Variants in REG1A observed in about 807,000 individuals in gnomAD.
REG1A encodes the protein regenerating family member 1 alpha.
REG1A carries 20 observed loss-of-function variants against 20.7 expected under a neutral mutation model. The observed-to-expected ratio is 0.97, with a 90% confidence interval of 0.68 to 1.41. REG1A has a LOEUF of 1.41. Among genes scored for constraint, REG1A ranks in the 40% most tolerant of loss-of-function variants. The pLI is 0.00. For synonymous variants in REG1A, 90 were observed against 71.6 expected, an observed-to-expected ratio of 1.26 and a Z score of -1.30; for missense variants, 193 against 201.8, an observed-to-expected ratio of 0.96 and a Z score of 0.26.
chr2:79,120,989 A>T, intron 2 of REG1A, 64 bp downstream of exon 2: 1 of 1,271,980 alleles, frequency 7.9e-7, no homozygotes, highest in South Asian at 1.3e-5. Flanking sequence ...ATCCCCAAGC[A>T]TACGGGTCTA....
At chr2:79,121,780 C>T (rs1672889946) in intron 3 of REG1A, 100 bp downstream of exon 3, 1 of 1,333,100 alleles carries the variant, frequency 7.5e-7, no homozygotes, top group South Asian at 1.2e-5. Flanking sequence ...AGACTGAACC[C>T]CTTGCTATAC....
rs756774574 is a variant in REG1A, at chr2:79,120,818, A to G, written c.-44A>G. The G allele has an allele frequency of 1.3e-6, 2 of 1,526,260 alleles. No homozygotes were observed. Among genetic ancestry groups the G allele is most frequent in the East Asian group, 2.3e-5 (1 of 43,826 alleles). 94.5% of individuals were successfully genotyped at this position (1,526,260 alleles called of 1,614,324 possible). ...CCCTTCTCTGTGTTCTCCTATAGAGATTGTTGATTTGCCTCTTAAGCAAGA... is the reference window on the plus strand; with the variant it reads ...CCCTTCTCTGTGTTCTCCTATAGAGGTTGTTGATTTGCCTCTTAAGCAAGA... On this transcript the variant is annotated splice_region_variant and 5_prime_UTR_variant, in exon 2 of 6. Transcript: ENST00000233735.
In REG1A at chr2:79,122,701, T is replaced by C. The variant is rs1159156777; in HGVS notation, c.322-140T>C. 4.5e-6 allele frequency: 3 copies of C among 669,664 alleles called. No individual in the cohort carries two copies. In the South Asian group the frequency reaches 5.4e-5, roughly 12 times the overall value. 41.5% of individuals were successfully genotyped at this position (669,664 alleles called of 1,614,324 possible). On this transcript the variant is annotated intron_variant, in intron 4 of 5. Coordinates refer to ENST00000233735, the MANE Select transcript of REG1A (RefSeq NM_002909.5). ...AGTTCAGGAAAGAAGTTTAGAGCAA[T>C]AGCAAAGGAAAGGAAACAATATTTA...
intron 1 of REG1A, 122 bp from the exon 2 acceptor site, chr2:79,120,694 G>GA: frequency 2.2e-6 from 1 of 461,400 alleles, no homozygotes; most frequent in East Asian, 3.2e-5. Context: ...AGAAACATTT[G>GA]AAGGTGTGGG....
chr2:79,121,765 A>G, intron 3 of REG1A, 85 bp downstream of exon 3: 1 of 1,387,786 alleles, frequency 7.2e-7, no homozygotes, highest in Non-Finnish European at 1.0e-6. Context: ...GGCTGCAATG[A>G]GATGAGACTG....
intron 1 of REG1A, 151 bp downstream of exon 1, chr2:79,120,665 T>A (rs1400344217): frequency 4.4e-6 from 2 of 449,726 alleles, no homozygotes; most frequent in Non-Finnish European, 4.0e-6. Flanking sequence ...ACTGAGTCTG[T>A]ATAATCCCCA....
intron 3 of REG1A, 141 bp from the exon 4 acceptor site, chr2:79,121,847 G>A (rs2104064097): frequency 7.3e-7 from 1 of 1,378,976 alleles, no homozygotes; most frequent in East Asian, 2.3e-5. Flanking sequence ...CACATTCCCA[G>A]CACAAAGAAC....
intron 1 of REG1A, 86 bp downstream of exon 1, chr2:79,120,600 C>T (rs1481493804): frequency 5.4e-6 from 2 of 368,936 alleles, no homozygotes; most frequent in Non-Finnish European, 4.8e-6. Context: ...AGTTTCTGTC[C>T]AAGAGGTTTT....
intron 1 of REG1A, 44 bp from the exon 2 acceptor site, chr2:79,120,772 T>C (rs1421759058): frequency 6.8e-6 from 7 of 1,029,070 alleles, no homozygotes; most frequent in Admixed American, 4.9e-5. Context: ...ATAGGTGCTT[T>C]GCTCTCCATC....
intron 1 of REG1A, 79 bp from the exon 2 acceptor site, chr2:79,120,737 C>T: frequency 1.6e-6 from 1 of 615,430 alleles, no homozygotes; most frequent in Non-Finnish European, 2.6e-6. Flanking sequence ...CTCAGAAATT[C>T]TGAGAGGAGG....
intron 2 of REG1A, 60 bp downstream of exon 2, chr2:79,120,985 A>C: frequency 5.3e-6 from 7 of 1,318,794 alleles, no homozygotes; most frequent in Non-Finnish European, 6.4e-6. Context: ...CTCTATCCCC[A>C]AGCATACGGG....
rs72913261 is a variant in REG1A at position 79,120,780 on chromosome 2, A to G, written c.-46-36A>G. 1.9e-3 allele frequency: 2,213 copies of G among 1,138,212 alleles called. 31 individuals carry two copies. The African/African-American group carries it at 0.031, about 16-fold the overall frequency. The allele number at this position is 1,138,212 out of a possible 1,614,324, so 70.5% of individuals were successfully genotyped here. A position where few individuals can be genotyped will look rare whatever the true frequency, so the allele number is the denominator to read the frequency against. On this transcript the variant is annotated intron_variant, in intron 1 of 5. Transcript: ENST00000233735. Reference sequence around the variant, plus strand: ...GAAGGTAATAGGTGCTTTGCTCTCCATCTCTCAGAACCCCCTTCTCTGTGT... The same window carrying G: ...GAAGGTAATAGGTGCTTTGCTCTCCGTCTCTCAGAACCCCCTTCTCTGTGT...
rs1272335190 is a variant in REG1A at position 79,123,244 on chromosome 2, T to G, written c.*29T>G. 1 of 1,442,134 alleles carries G rather than the reference T, an allele frequency of 6.9e-7. No individual in the cohort carries two copies. The highest frequency in any genetic ancestry group is 2.3e-5 in the East Asian group (1 of 43,548). The allele number at this position is 1,442,134 out of a possible 1,614,324, so 89.3% of individuals were successfully genotyped here. ...CAACTGGAAAATACATGTCTAGAAC[T>G]GATCCAGCAATTACAACGGAGTCAA... On this transcript the variant is annotated 3_prime_UTR_variant, in exon 6 of 6. Transcript: ENST00000233735.
At chr2:79,121,787 A>G (rs761689799) in intron 3 of REG1A, 107 bp downstream of exon 3, 7 of 1,332,370 alleles carry the variant, frequency 5.3e-6, no homozygotes, top group African/African-American at 2.9e-5. Context: ...ACCCCTTGCT[A>G]TACTATCATC....
intron 3 of REG1A, 71 bp from the exon 4 acceptor site, chr2:79,121,917 C>T: frequency 6.3e-7 from 1 of 1,585,804 alleles, no homozygotes; most frequent in South Asian, 1.2e-5. Flanking sequence ...TCTGACCCGT[C>T]CTCTTGGAGG....
Position 79,123,289 on chromosome 2 carries a change from C to A in REG1A, c.*74C>A. The A allele has an allele frequency of 2.1e-6, 2 of 943,546 alleles. No individual in the cohort carries two copies. Among genetic ancestry groups the A allele is most frequent in the East Asian group, 2.5e-5 (1 of 40,040 alleles). 58.4% of individuals were successfully genotyped at this position (943,546 alleles called of 1,614,324 possible). A position where few individuals can be genotyped will look rare whatever the true frequency, so the allele number is the denominator to read the frequency against. On this transcript the variant is annotated 3_prime_UTR_variant, in exon 6 of 6. Coordinates refer to ENST00000233735, the MANE Select transcript of REG1A (RefSeq NM_002909.5). ...AGTCAAAAATTAAACCGGACCATCT[C>A]TCCAACTCAACTCAACCTGGACACT...
At position 79,123,321 on chromosome 2, in the gene REG1A, T is replaced by C; in HGVS notation, c.*106T>C. The C allele has an allele frequency of 1.5e-6, 1 of 654,258 alleles. No individual in the cohort carries two copies. 40.5% of individuals were successfully genotyped at this position (654,258 alleles called of 1,614,324 possible). ...TCAACTCAACCTGGACACTCTCTTCTCTGCTGAGTTTGCCTTGTTAATCTT... is the reference window on the plus strand; with the variant it reads ...TCAACTCAACCTGGACACTCTCTTCCCTGCTGAGTTTGCCTTGTTAATCTT... On this transcript the variant is annotated 3_prime_UTR_variant, in exon 6 of 6. Coordinates refer to ENST00000233735, the MANE Select transcript of REG1A (RefSeq NM_002909.5).
intron 3 of REG1A, 49 bp from the exon 4 acceptor site, chr2:79,121,939 C>G (rs182100142): frequency 1.2e-6 from 2 of 1,605,524 alleles, no homozygotes; most frequent in African/African-American, 2.7e-5. Context: ...CTCAGTATAT[C>G]CGTCACAACT....
chr2:79,121,896 G>A, intron 3 of REG1A, 92 bp from the exon 4 acceptor site: 1 of 1,527,708 alleles, frequency 6.5e-7, no homozygotes. Context: ...ACATTACTCT[G>A]CTGTCCTTTT....
Sources: gnomAD v4.1 joint callset for allele counts on GRCh38, gnomAD v4.1.1 for gene constraint, MANE v1.5 for transcripts, NCBI Gene and HGNC (gene_info 2026-07-23, HGNC 2026-07-21) for gene names.